The following UTS2 variants were observed in gnomAD, a reference collection of about 807,000 sequenced individuals.
UTS2 encodes urotensin-2.
In UTS2, 10 loss-of-function variants were observed where a neutral mutation model predicts 12.6. The ratio of observed to expected loss-of-function variants is 0.80; its 90% CI spans 0.49 to 1.35. The LOEUF (loss-of-function observed/expected upper bound fraction) is 1.35. UTS2 is among the 40% of genes most tolerant of loss of function. UTS2 has a pLI of 0.00. For missense variants in UTS2, 142 were observed against 143.2 expected, an observed-to-expected ratio of 0.99 and a Z score of 0.04; for synonymous variants, 52 against 50.0, an observed-to-expected ratio of 1.04 and a Z score of -0.17.
chr1:7,908,291 C>A, the UTS2 span, among the ~76,000 whole-genome samples: 1 of 130,422 alleles, frequency 7.7e-6, no homozygotes, highest in Non-Finnish European at 1.5e-5. Context: ...AGTGAGACTC[C>A]GTCTAAAAAA....
the UTS2 span, among the ~76,000 whole-genome samples, chr1:7,876,546 CA>C: frequency 3.3e-5 from 5 of 152,138 alleles, no homozygotes; most frequent in African/African-American, 1.2e-4. Context: ...CTGGCACCCG[CA>C]AAAGTCACCT....
the UTS2 span, among the ~76,000 whole-genome samples, chr1:7,910,128 T>C: frequency 6.6e-6 from 1 of 152,134 alleles, no homozygotes; most frequent in Non-Finnish European, 1.5e-5. Flanking sequence ...TCTAAACTTC[T>C]CCTGCCCTCC....
At chr1:7,867,343 A>G in the UTS2 span, among the ~76,000 whole-genome samples, 1 of 152,188 alleles carries the variant, frequency 6.6e-6, no homozygotes, top group Non-Finnish European at 1.5e-5. Context: ...ATGTGACTGT[A>G]TTTGGAGAGA....
At chr1:7,849,728 C>T (rs781376785) in intron 2 of UTS2, 45 bp from the exon 3 acceptor site, 7 of 1,508,562 alleles carry the variant, frequency 4.6e-6, no homozygotes, top group Non-Finnish European at 6.3e-6. Flanking sequence ...TGTTGTTTCT[C>T]TTGTATGCTT....
intron 3 of UTS2, 85 bp downstream of exon 3, chr1:7,849,555 C>A (rs2097411738): frequency 2.4e-6 from 3 of 1,235,198 alleles, no homozygotes; most frequent in South Asian, 2.6e-5. Flanking sequence ...CAAGAACACT[C>A]CTCTAGTTCA....
the UTS2 span, among the ~76,000 whole-genome samples, chr1:7,895,483 C>A: frequency 9.9e-5 from 15 of 152,258 alleles, 1 homozygote; most frequent in Admixed American, 8.5e-4. Flanking sequence ...TGATTCAAAG[C>A]TGCTGTGCTT....
chr1:7,907,493 A>T, the UTS2 span, among the ~76,000 whole-genome samples: 1 of 151,970 alleles, frequency 6.6e-6, no homozygotes, highest in Non-Finnish European at 1.5e-5. Context: ...AAAAAAATTT[A>T]AACATTTTTT....
At chr1:7,884,143 T>C in the UTS2 span, among the ~76,000 whole-genome samples, 5 of 152,188 alleles carry the variant, frequency 3.3e-5, no homozygotes, top group Admixed American at 2.6e-4. Context: ...TGAAACTGAA[T>C]CTGTAATATT....
At chr1:7,862,162 C>A in the UTS2 span, among the ~76,000 whole-genome samples, 20 of 152,032 alleles carry the variant, frequency 1.3e-4, no homozygotes, top group African/African-American at 4.3e-4. Context: ...ATTCCCCCCC[C>A]GCCCCCGCAA....
chr1:7,847,910 A>G lies in UTS2; in HGVS notation c.259-28T>C, dbSNP rs377282698. ...AAAACAATCCAAACGAACAACAACA[A>G]CAAAAAAAAACAGATAAGTTACCAA... On this transcript the variant is annotated intron_variant, in intron 3 of 3. Coordinates refer to ENST00000361696, the MANE Select transcript of UTS2 (RefSeq NM_006786.4). 1.6e-5 allele frequency: 22 copies of G among 1,391,588 alleles called. No individual in the cohort carries two copies. In the African/African-American group the frequency reaches 2.5e-4, roughly 16 times the overall value. 86.2% of individuals were successfully genotyped at this position (1,391,588 alleles called of 1,614,324 possible).
the UTS2 span, among the ~76,000 whole-genome samples, chr1:7,869,641 A>T: frequency 1.5e-3 from 221 of 152,346 alleles, no homozygotes; most frequent in African/African-American, 5.1e-3. Flanking sequence ...GCTGCTGCAC[A>T]AAGAAGAATG....
the UTS2 span, among the ~76,000 whole-genome samples, chr1:7,870,800 G>A: frequency 6.6e-6 from 1 of 152,116 alleles, no homozygotes; most frequent in African/African-American, 2.4e-5. Context: ...CTTTTCCATT[G>A]TCAACATTCT....
chr1:7,881,356 CTT>C, the UTS2 span, among the ~76,000 whole-genome samples: 1 of 152,132 alleles, frequency 6.6e-6, no homozygotes, highest in Admixed American at 6.6e-5. Context: ...AATTGTCCCT[CTT>C]TGCAGATAAC....
At chr1:7,849,766 T>A in intron 2 of UTS2, 83 bp from the exon 3 acceptor site, 1 of 1,235,772 alleles carries the variant, frequency 8.1e-7, no homozygotes. Flanking sequence ...ATAATATTAC[T>A]AAATTATGTC....
chr1:7,886,567 C>T, the UTS2 span, among the ~76,000 whole-genome samples: 2 of 152,122 alleles, frequency 1.3e-5, no homozygotes, highest in Non-Finnish European at 2.9e-5. Context: ...ACCGATGGCT[C>T]ACAAAGGAGC....
chr1:7,894,680 A>C, the UTS2 span, among the ~76,000 whole-genome samples: 1 of 152,012 alleles, frequency 6.6e-6, no homozygotes, highest in Admixed American at 6.6e-5. Context: ...ACAGAATAAC[A>C]TTTTTGCAAT....
At chr1:7,864,931 C>CT in the UTS2 span, among the ~76,000 whole-genome samples, 2 of 54,126 alleles carry the variant, frequency 3.7e-5, no homozygotes, top group Admixed American at 2.2e-4. Flanking sequence ...TGTGTCTGTC[C>CT]GATACCATCT....
chr1:7,862,990 GTTGTATTGTATTGTA>G, the UTS2 span, among the ~76,000 whole-genome samples: 2 of 41,382 alleles, frequency 4.8e-5, no homozygotes, highest in African/African-American at 1.7e-4. Context: ...ATTGTGTTGT[GTTGTATTGTATTGTA>G]TTGTATTGTA....
chr1:7,861,123 C>T, the UTS2 span, among the ~76,000 whole-genome samples: 1 of 151,462 alleles, frequency 6.6e-6, no homozygotes, highest in East Asian at 1.9e-4. Flanking sequence ...GAAGAGCCAG[C>T]AGTACCTGCA....
Sources: allele counts gnomAD v4.1 joint callset (sites outside exome capture counted in the v4.1 genomes callset), GRCh38; gene constraint gnomAD v4.1.1; transcripts MANE v1.5; gene names NCBI Gene and HGNC (gene_info 2026-07-23, HGNC 2026-07-21).